The following FOXP2 variants were observed in gnomAD, a reference collection of about 807,000 sequenced individuals.
FOXP2 encodes the protein forkhead box P2, also known as forkhead box protein P2.
Under a neutral mutation model 115.8 loss-of-function variants are expected in FOXP2, and 12 were observed. That is an observed-to-expected ratio of 0.10 (90% confidence interval 0.07 to 0.17). FOXP2 has a LOEUF of 0.17. Among genes scored for constraint, FOXP2 ranks in the 10% least tolerant of loss-of-function variants. The pLI, the probability that FOXP2 is intolerant of heterozygous loss-of-function variation, is 1.00. For synonymous variants in FOXP2, 328 were observed against 297.7 expected, an observed-to-expected ratio of 1.10 and a Z score of -1.05; for missense variants, 629 against 843.5, an observed-to-expected ratio of 0.75 and a Z score of 3.15.
intron 1 of FOXP2, among the ~76,000 whole-genome samples, chr7:114,264,319 C>A (rs182454994): frequency 2.9e-4 from 44 of 151,148 alleles, no homozygotes; most frequent in Non-Finnish European, 5.6e-4. Flanking sequence ...GAAGTTTTTT[C>A]ATGGGGGGCA....
At chr7:114,237,509 T>A (rs1445319313) in intron 1 of FOXP2, among the ~76,000 whole-genome samples, 1 of 152,206 alleles carries the variant, frequency 6.6e-6, no homozygotes, top group Non-Finnish European at 1.5e-5. Context: ...TTAAGCCTTA[T>A]ATTTTAATTA....
chr7:114,616,237 A>G (rs1803945337), intron 3 of FOXP2, among the ~76,000 whole-genome samples: 1 of 152,074 alleles, frequency 6.6e-6, no homozygotes, highest in South Asian at 2.1e-4. Context: ...GTCTTGGCTC[A>G]CTGCAACCTC....
intron 2 of FOXP2, among the ~76,000 whole-genome samples, chr7:114,292,291 G>A (rs1036424847): frequency 1.4e-4 from 21 of 151,946 alleles, no homozygotes; most frequent in Admixed American, 4.6e-4. Context: ...TTATAATTAT[G>A]TTATAGTTAA....
At chr7:114,585,897 TG>T (rs1183585595) in intron 3 of FOXP2, among the ~76,000 whole-genome samples, 1 of 152,166 alleles carries the variant, frequency 6.6e-6, no homozygotes. Flanking sequence ...TATAATTTGC[TG>T]TAATGTTTAA....
intron 2 of FOXP2, among the ~76,000 whole-genome samples, chr7:114,384,355 A>G (rs2129192586): frequency 6.6e-6 from 1 of 152,344 alleles, no homozygotes; most frequent in Middle Eastern, 3.4e-3. Context: ...GAGAGGGTAT[A>G]GCTAACCTTT....
At chr7:114,206,342 A>G (rs1445529052) in intron 1 of FOXP2, among the ~76,000 whole-genome samples, 2 of 151,956 alleles carry the variant, frequency 1.3e-5, no homozygotes, top group African/African-American at 4.8e-5. Flanking sequence ...GCTACTTTTC[A>G]CCTCACATAT....
chr7:114,284,755 C>T (rs1796424996), intron 1 of FOXP2, among the ~76,000 whole-genome samples: 1 of 152,138 alleles, frequency 6.6e-6, no homozygotes, highest in Non-Finnish European at 1.5e-5. Context: ...GACACATGCT[C>T]ACATATGTTC....
At chr7:114,251,520 G>C (rs537740562) in intron 1 of FOXP2, among the ~76,000 whole-genome samples, 1 of 152,260 alleles carries the variant, frequency 6.6e-6, no homozygotes, top group Non-Finnish European at 1.5e-5. Flanking sequence ...CACATCCCTT[G>C]TAAGTTGGAT....
intron 1 of FOXP2, among the ~76,000 whole-genome samples, chr7:114,115,693 G>T (rs1791389305): frequency 6.6e-6 from 1 of 151,998 alleles, no homozygotes. Flanking sequence ...TATGCTATGG[G>T]TTCTCATAAC....
Position 114,691,363 on chromosome 7 carries a change from A to C in FOXP2, c.*1437A>C, listed in dbSNP as rs1249294961. On this transcript the variant is annotated 3_prime_UTR_variant, in exon 17 of 17. Coordinates refer to ENST00000350908, the MANE Select transcript of FOXP2 (RefSeq NM_014491.4). ...TAAAGTGATCTAGCTGAGTTTTTAC[A>C]CTGAAAGCAAAGATTATAGCAATTG... The C allele has an allele frequency of 4.4e-6, 2 of 454,016 alleles. No homozygotes were observed. The highest frequency in any genetic ancestry group is 8.8e-6 in the Non-Finnish European group (2 of 226,764). 28.1% of individuals were successfully genotyped at this position (454,016 alleles called of 1,614,324 possible). A position where few individuals can be genotyped will look rare whatever the true frequency, so the allele number is the denominator to read the frequency against.
chr7:114,573,470 G>A (rs186717499), intron 3 of FOXP2, among the ~76,000 whole-genome samples: 282 of 151,758 alleles, frequency 1.9e-3, no homozygotes, highest in African/African-American at 6.6e-3. Context: ...GGAAGAAAGA[G>A]GTCAAAAAGA....
At chr7:114,554,544 T>C (rs1432071339) in intron 3 of FOXP2, among the ~76,000 whole-genome samples, 1 of 152,144 alleles carries the variant, frequency 6.6e-6, no homozygotes, top group African/African-American at 2.4e-5. Context: ...GACAATTCTG[T>C]ATTATTTTTA....
intron 3 of FOXP2, among the ~76,000 whole-genome samples, chr7:114,546,667 C>T (rs971206843): frequency 6.6e-6 from 1 of 151,494 alleles, no homozygotes; most frequent in African/African-American, 2.4e-5. Context: ...TTCTCTGATG[C>T]ATCAAAAAGA....
At chr7:114,449,791 A>G (rs1017462014) in intron 2 of FOXP2, among the ~76,000 whole-genome samples, 16 of 152,260 alleles carry the variant, frequency 1.1e-4, no homozygotes, top group Non-Finnish European at 1.6e-4. Context: ...TGCTATATGC[A>G]TATCTACCTG....
chr7:114,637,393 G>GTA (rs1237801852), intron 6 of FOXP2, among the ~76,000 whole-genome samples: 1 of 152,184 alleles, frequency 6.6e-6, no homozygotes, highest in Admixed American at 6.5e-5. Context: ...GGCACTACTA[G>GTA]TATATATATC....
chr7:114,603,747 C>T (rs552597651), intron 3 of FOXP2, among the ~76,000 whole-genome samples: 11 of 152,082 alleles, frequency 7.2e-5, no homozygotes, highest in East Asian at 5.8e-4. Context: ...TTGATTATTA[C>T]GAGTGATTAA....
intron 1 of FOXP2, among the ~76,000 whole-genome samples, chr7:114,210,070 C>A (rs1794305432): frequency 6.6e-6 from 1 of 152,152 alleles, no homozygotes; most frequent in Non-Finnish European, 1.5e-5. Flanking sequence ...CATTGTGTTA[C>A]AACATGCTTC....
intron 2 of FOXP2, among the ~76,000 whole-genome samples, chr7:114,392,678 C>T (rs1405792227): frequency 6.6e-6 from 1 of 152,172 alleles, no homozygotes; most frequent in African/African-American, 2.4e-5. Flanking sequence ...CACAGTGACC[C>T]CACTCAGCTT....
chr7:114,339,020 T>C (rs2129184030), intron 2 of FOXP2, among the ~76,000 whole-genome samples: 1 of 151,158 alleles, frequency 6.6e-6, no homozygotes, highest in East Asian at 1.9e-4. Context: ...ATTCCAGATG[T>C]TTTATGTAGT....
Sources: gnomAD v4.1 joint callset for allele counts (sites outside exome capture counted in the v4.1 genomes callset) on GRCh38, gnomAD v4.1.1 for gene constraint, MANE v1.5 for transcripts, NCBI Gene and HGNC (gene_info 2026-07-23, HGNC 2026-07-21) for gene names.